ZNF813: variants seen among roughly 807,000 people sequenced by gnomAD.
ZNF813 encodes the protein zinc finger protein 813.
A neutral mutation model predicts 7.2 loss-of-function variants in ZNF813; 3 were observed. The ratio of observed to expected loss-of-function variants is 0.42; its 90% CI spans 0.19 to 1.08. ZNF813 has a LOEUF of 1.08. ZNF813 is among the 50% of genes least tolerant of loss of function. The pLI is 0.30. For synonymous variants in ZNF813, 227 were observed against 256.3 expected, an observed-to-expected ratio of 0.89 and a Z score of 1.09; for missense variants, 714 against 753.3, an observed-to-expected ratio of 0.95 and a Z score of 0.61.
rs553872390 is a variant in ZNF813, at chr19:53,479,016, C to A, written c.-73-4734C>A. 1.3e-4 allele frequency among the ~76,000 whole-genome samples: 19 copies of A among 151,572 alleles called. No homozygotes were observed. In the East Asian group the frequency reaches 3.3e-3, roughly 27 times the overall value. On this transcript the variant is annotated intron_variant, in intron 1 of 3. Transcript: ENST00000396403. Reference sequence around the variant, plus strand: ...GTGGCATGATGTCAGTTCACTGCAACCTCTGCCTCCTGGGTTCAAGTGATT... The same window carrying A: ...GTGGCATGATGTCAGTTCACTGCAAACTCTGCCTCCTGGGTTCAAGTGATT...
chr19:53,475,031 C>G (rs1345070603), intron 1 of ZNF813, among the ~76,000 whole-genome samples: 4 of 152,110 alleles, frequency 2.6e-5, no homozygotes, highest in Non-Finnish European at 1.5e-5. Context: ...CCATTTGGTG[C>G]CCTCTGCAGT....
In ZNF813 at chr19:53,490,468, G is replaced by A; in HGVS notation, c.236G>A (p.Ser79Asn). 2 of 1,614,116 alleles carry A rather than the reference G, an allele frequency of 1.2e-6. No homozygotes were observed. The highest frequency in any genetic ancestry group is 1.7e-6 in the Non-Finnish European group (2 of 1,180,012). ...IHTGTLQRHE[S>N]HHTGDFRFQE... Reference sequence around the variant, plus strand: ...ACAGGGACATTGCAAAGACATGAAAGTCATCACACTGGAGACTTTCGCTTT... The same window carrying A: ...ACAGGGACATTGCAAAGACATGAAAATCATCACACTGGAGACTTTCGCTTT... The change falls in exon 4 of 4, where the codon AGT (serine) becomes AAT (asparagine). Residue 79 changes from serine to asparagine, a missense_variant. By Grantham distance (46) the Ser-to-Asn change is conservative. Transcript: ENST00000396403.
intron 1 of ZNF813, among the ~76,000 whole-genome samples, chr19:53,482,706 CTTTTTGTTT>C (rs2086414241): frequency 6.6e-5 from 6 of 91,494 alleles, no homozygotes; most frequent in African/African-American, 1.9e-4. Flanking sequence ...ATCAGGAATG[CTTTTTGTTT>C]TTTTTTTTTT....
At position 53,495,609 on chromosome 19, in the gene ZNF813, G is replaced by A. The variant is rs2086483703; in HGVS notation, c.*3523G>A. On this transcript the variant is annotated 3_prime_UTR_variant, in exon 4 of 4. Transcript: ENST00000396403. ...CAGCAGAAACAATAGTCAGGAGTTT[G>A]AGAACAGGCTGATTAACATGGTGAA... The A allele has an allele frequency of 6.6e-6, 1 of 151,800 alleles. No individual in the cohort carries two copies. The highest frequency in any genetic ancestry group is 2.4e-5 in the African/African-American group (1 of 41,270). 9.4% of individuals were successfully genotyped at this position (151,800 alleles called of 1,614,324 possible).
In ZNF813 at chr19:53,477,335, A is replaced by G. The variant is rs185616174; in HGVS notation, c.-73-6415A>G. On this transcript the variant is annotated intron_variant, in intron 1 of 3. Transcript: ENST00000396403. ...TTCTGAACGCTTGCAGATGCCCTGT[A>G]TGGATTTTTGGGGAACTGGGTACTG... Among the ~76,000 whole-genome samples the G allele has an allele frequency of 6.6e-5, 10 of 152,220 alleles. No homozygotes were observed. The East Asian group carries it at 1.9e-3, about 29-fold the overall frequency.
At chr19:53,469,206 G>C (rs1394396755) in intron 1 of ZNF813, among the ~76,000 whole-genome samples, 11 of 151,578 alleles carry the variant, frequency 7.3e-5, no homozygotes, top group Non-Finnish European at 1.6e-4. Context: ...CTAAAGTTAC[G>C]GATTAACAGC....
In ZNF813 at chr19:53,490,777, G is replaced by A; in HGVS notation, c.545G>A (p.Cys182Tyr). The part of the protein sequence containing the change: ...SSISTSQRIS[C>Y]RPKTHISNNY... ...ATTTCAACATCCCAAAGAATTTCTT[G>A]TAGGCCCAAAACCCATATTTCTAAT... The change falls in exon 4 of 4, where the codon TGT becomes TAT. Residue 182 changes from cysteine to tyrosine, a missense_variant. Cys to Tyr is a radical substitution (Grantham distance 194). Around this residue, in one of 3 missense-constraint regions of ZNF813, gnomAD observed 563 missense variants for 554.2 expected, o/e 1.02. Transcript: ENST00000396403. 6.2e-7 allele frequency: 1 copy of A among 1,614,158 alleles called. No homozygotes were observed. The highest frequency in any genetic ancestry group is 8.5e-7 in the Non-Finnish European group (1 of 1,180,030).
In ZNF813 at chr19:53,490,947, G is replaced by A; in HGVS notation, c.715G>A (p.Gly239Arg). Residue 239 changes from glycine to arginine, a missense_variant, in exon 4 of 4, where the codon GGA becomes AGA. This residue lies in a region of ZNF813 where 563 missense variants were observed against 554.2 expected (regional missense o/e 1.02). Transcript: ENST00000396403. ...AAGGAAACATCAAATAATCCATTTA[G>A]GAGAGAAACAATATAAATGTGATGT... is the stretch of plus-strand genomic sequence containing the variant. ...LLRKHQIIHL[G>R]EKQYKCDVCG... 1 of 1,614,118 alleles carries A rather than the reference G, an allele frequency of 6.2e-7. No individual in the cohort carries two copies. The highest frequency in any genetic ancestry group is 1.3e-5 in the African/African-American group (1 of 75,032).
intron 1 of ZNF813, among the ~76,000 whole-genome samples, chr19:53,469,816 G>A (rs61005047): frequency 0.097 from 13,112 of 135,848 alleles, 559 homozygotes; most frequent in Non-Finnish European, 0.1. Context: ...GGTATAACAG[G>A]GAAGAGAGAA....
rs1245835181 is a variant in ZNF813, at chr19:53,490,742, T to C, written c.510T>C (p.Asp170=). The part of the protein sequence containing the change: ...IGNQVEKSIN[D]ASSISTSQRI... The stretch of plus-strand genomic sequence containing the variant: ...ATCAAGTGGAGAAGTCTATCAACGA[T>C]GCTTCCTCAATTTCAACATCCCAAA... The change falls in exon 4 of 4, where the codon GAT becomes GAC. Residue 170 remains aspartate, a synonymous_variant. Transcript: ENST00000396403. 8 of 1,614,108 alleles carry C rather than the reference T, an allele frequency of 5.0e-6. No individual in the cohort carries two copies. The highest frequency in any genetic ancestry group is 5.9e-6 in the Non-Finnish European group (7 of 1,180,044).
intron 1 of ZNF813, among the ~76,000 whole-genome samples, chr19:53,482,103 A>G (rs2086411180): frequency 6.6e-6 from 1 of 152,202 alleles, no homozygotes; most frequent in Non-Finnish European, 1.5e-5. Flanking sequence ...GGCAAAATAG[A>G]GTACGTGTCT....
chr19:53,484,755 C>T (rs1292017817), intron 2 of ZNF813, among the ~76,000 whole-genome samples: 3 of 152,224 alleles, frequency 2.0e-5, no homozygotes, highest in East Asian at 1.9e-4. Context: ...TTATTAGTGA[C>T]GGGTATCACC....
In ZNF813 at chr19:53,491,584, A is replaced by T. The variant is rs1284204498; in HGVS notation, c.1352A>T (p.Asn451Ile). The T allele has an allele frequency of 6.2e-7, 1 of 1,613,268 alleles. No homozygotes were observed. Among genetic ancestry groups the T allele is most frequent in the East Asian group, 2.2e-5 (1 of 44,824 alleles). Residue 451 changes from asparagine (N) to isoleucine (I), a missense_variant, in exon 4 of 4, where the codon AAT (asparagine) becomes ATT (isoleucine). Physicochemically the swap from Asn to Ile is moderately radical, Grantham distance 149 (BLOSUM62 -3). Coordinates refer to ENST00000396403, the MANE Select transcript of ZNF813 (RefSeq NM_001004301.4). ...CTECVKTFSR[N>I]SALVIHKAIH... ...GAGTGTGTCAAGACGTTCAGTCGAA[A>T]TTCAGCCCTTGTAATTCATAAGGCT...
chr19:53,484,714 G>A lies in ZNF813; in HGVS notation c.15+877G>A, dbSNP rs1297243604. Among the ~76,000 whole-genome samples, 11 of 152,204 alleles carry A rather than the reference G, an allele frequency of 7.2e-5. No homozygotes were observed. In the East Asian group the frequency reaches 1.2e-3, roughly 16 times the overall value. On this transcript the variant is annotated intron_variant, in intron 2 of 3. Coordinates refer to ENST00000396403, the MANE Select transcript of ZNF813 (RefSeq NM_001004301.4). ...CAAGTAGCTGGGATTATAGGCGTGC[G>A]TCACCCCGCCCAGCTAATTTTGTTG...
rs1308591182 is a variant in ZNF813 at position 53,490,785 on chromosome 19, A to C, written c.553A>C (p.Lys185Gln). Residue 185 changes from lysine to glutamine, a missense_variant, in exon 4 of 4, where the codon AAA becomes CAA. Physicochemically the swap from Lys to Gln is moderately conservative, Grantham distance 53 (BLOSUM62 1). Coordinates refer to ENST00000396403, the MANE Select transcript of ZNF813 (RefSeq NM_001004301.4). ...STSQRISCRP[K>Q]THISNNYGNN... ...ATCCCAAAGAATTTCTTGTAGGCCC[A>C]AAACCCATATTTCTAATAACTATGG... The C allele has an allele frequency of 3.7e-6, 6 of 1,614,206 alleles. No individual in the cohort carries two copies. Among genetic ancestry groups the C allele is most frequent in the East Asian group, 2.2e-5 (1 of 44,884 alleles).
At chr19:53,486,812 T>C (rs2086436534) in intron 3 of ZNF813, 54 bp downstream of exon 3, 1 of 1,612,650 alleles carries the variant, frequency 6.2e-7, no homozygotes. Flanking sequence ...ATCTTTGTAT[T>C]TTCTCTTGTT....
intron 3 of ZNF813, chr19:53,488,138 C>T (rs1037506870): frequency 1.3e-4 from 54 of 401,744 alleles, no homozygotes; most frequent in Non-Finnish European, 2.2e-4. Flanking sequence ...GATTCTCCTG[C>T]CTCAATTTCC....
At chr19:53,479,231 A>G (rs374953896) in intron 1 of ZNF813, 3 of 1,002,324 alleles carry the variant, frequency 3.0e-6, no homozygotes, top group East Asian at 2.9e-5. Flanking sequence ...AACCACGCCC[A>G]GCTGAGATAA....
intron 1 of ZNF813, among the ~76,000 whole-genome samples, chr19:53,469,765 G>C (rs7257891): frequency 0.15 from 22,922 of 148,840 alleles, 1,950 homozygotes; most frequent in East Asian, 0.23. Context: ...ACAGCAGGGA[G>C]GACACCTGGG....
Sources: allele counts gnomAD v4.1 joint callset (sites outside exome capture counted in the v4.1 genomes callset), GRCh38; gene constraint gnomAD v4.1.1; regional missense constraint gnomAD v4.1.1; transcripts MANE v1.5; gene names NCBI Gene and HGNC (gene_info 2026-07-23, HGNC 2026-07-21).